GRM7: variants seen among roughly 807,000 people sequenced by gnomAD.
GRM7 encodes glutamate metabotropic receptor 7.
GRM7 carries 35 observed loss-of-function variants against 84.5 expected under a neutral mutation model. That is an observed-to-expected ratio of 0.41 (90% CI 0.32 to 0.55). The LOEUF (loss-of-function observed/expected upper bound fraction) is 0.55, where lower values mean the gene tolerates loss of function less well. Among genes scored for constraint, GRM7 ranks in the 20% least tolerant of loss-of-function variants. GRM7 has a pLI of 0.19. For synonymous variants in GRM7, 487 were observed against 455.1 expected, an observed-to-expected ratio of 1.07 and a Z score of -0.89; for missense variants, 1,003 against 1,194.6, an observed-to-expected ratio of 0.84 and a Z score of 2.36.
intron 7 of GRM7, among the ~76,000 whole-genome samples, chr3:7,474,636 T>G (rs1460558663): frequency 6.6e-6 from 1 of 151,588 alleles, no homozygotes; most frequent in South Asian, 2.1e-4. Flanking sequence ...GGTATCAGAG[T>G]TTTTTTTAAG....
At chr3:7,487,119 G>T (rs1394200223) in intron 7 of GRM7, among the ~76,000 whole-genome samples, 4 of 152,160 alleles carry the variant, frequency 2.6e-5, no homozygotes, top group Admixed American at 1.3e-4. Context: ...GGGCTTTATG[G>T]AAGGCAGAAC....
chr3:7,641,603 G>A (rs1295980322), intron 8 of GRM7, among the ~76,000 whole-genome samples: 1 of 152,114 alleles, frequency 6.6e-6, no homozygotes, highest in Non-Finnish European at 1.5e-5. Flanking sequence ...AGGGGAGAAT[G>A]GGGAGAATCC....
At chr3:7,413,459 C>T (rs1250496553) in intron 4 of GRM7, among the ~76,000 whole-genome samples, 1 of 152,202 alleles carries the variant, frequency 6.6e-6, no homozygotes, top group South Asian at 2.1e-4. Flanking sequence ...AAGAATCTGA[C>T]TCAGCTAAGA....
chr3:7,561,228 A>T (rs1694012301), intron 7 of GRM7, among the ~76,000 whole-genome samples: 1 of 152,088 alleles, frequency 6.6e-6, no homozygotes, highest in Non-Finnish European at 1.5e-5. Context: ...AAGCACTCAT[A>T]TTCATCCTCA....
At position 7,402,448 on chromosome 3, in the gene GRM7, A is replaced by G. The variant is rs112761034; in HGVS notation, c.1034-12575A>G. 2.7e-3 allele frequency among the ~76,000 whole-genome samples: 414 copies of G among 152,306 alleles called. 2 individuals carry two copies. The highest frequency in any genetic ancestry group is 9.3e-3 in the African/African-American group (387 of 41,574). ...TAACTCAGGTGGTGAGAGAATGAAT[A>G]TAATCTGAGTTTGCTGCTTGAACTT... On this transcript the variant is annotated intron_variant, in intron 4 of 9. Transcript: ENST00000357716.
At chr3:7,365,380 T>G (rs1377095211) in intron 4 of GRM7, among the ~76,000 whole-genome samples, 33 of 151,758 alleles carry the variant, frequency 2.2e-4, no homozygotes, top group Admixed American at 2.0e-3. Context: ...AGTCTCTCCA[T>G]CTCCATGCCT....
intron 7 of GRM7, among the ~76,000 whole-genome samples, chr3:7,563,374 A>T (rs1303341074): frequency 6.6e-6 from 1 of 152,168 alleles, no homozygotes; most frequent in Non-Finnish European, 1.5e-5. Flanking sequence ...TTAGGATAGA[A>T]TCTGCCCCAG....
chr3:7,608,100 T>C, intron 8 of GRM7: 1 of 261,706 alleles, frequency 3.8e-6, no homozygotes, highest in Non-Finnish European at 8.2e-6. Flanking sequence ...CCATGGTGTG[T>C]ATGTACCACA....
chr3:7,218,178 A>T (rs1158158062), intron 2 of GRM7, among the ~76,000 whole-genome samples: 1 of 152,096 alleles, frequency 6.6e-6, no homozygotes, highest in East Asian at 1.9e-4. Context: ...ATTGTTGATT[A>T]AAAACTATGC....
At chr3:7,078,580 A>G (rs1005888169) in intron 1 of GRM7, among the ~76,000 whole-genome samples, 4 of 152,196 alleles carry the variant, frequency 2.6e-5, no homozygotes, top group Admixed American at 2.6e-4. Flanking sequence ...AATTAAGTGG[A>G]ATCTAGGAAG....
intron 4 of GRM7, among the ~76,000 whole-genome samples, chr3:7,364,124 T>C (rs1170677276): frequency 6.6e-6 from 1 of 151,964 alleles, no homozygotes; most frequent in Non-Finnish European, 1.5e-5. Context: ...TCTACCTTGA[T>C]TATGTTTGTT....
chr3:7,041,190 G>A (rs898937878), intron 1 of GRM7, among the ~76,000 whole-genome samples: 1 of 151,840 alleles, frequency 6.6e-6, no homozygotes, highest in Non-Finnish European at 1.5e-5. Flanking sequence ...CTTTAATAAA[G>A]GTTTATCTTG....
intron 1 of GRM7, among the ~76,000 whole-genome samples, chr3:6,988,253 C>T (rs1184877910): frequency 6.7e-6 from 1 of 148,438 alleles, no homozygotes; most frequent in Non-Finnish European, 1.5e-5. Context: ...TCATGATCTG[C>T]CTGCCTCGGC....
chr3:7,545,255 C>T (rs1693089053), intron 7 of GRM7, among the ~76,000 whole-genome samples: 1 of 152,246 alleles, frequency 6.6e-6, no homozygotes, highest in African/African-American at 2.4e-5. Flanking sequence ...TCTAACCTAA[C>T]TGTCGACACA....
chr3:7,236,559 A>G (rs1476029440), intron 2 of GRM7, among the ~76,000 whole-genome samples: 3 of 152,168 alleles, frequency 2.0e-5, no homozygotes, highest in Non-Finnish European at 4.4e-5. Context: ...GCGGAAGTAG[A>G]CAATAGGCCA....
chr3:6,877,354 A>G (rs138858666), intron 1 of GRM7, among the ~76,000 whole-genome samples: 1 of 152,296 alleles, frequency 6.6e-6, no homozygotes, highest in Non-Finnish European at 1.5e-5. Flanking sequence ...CTTGGATCTT[A>G]CTATTGTTGA....
At chr3:7,571,018 C>A (rs897902729) in intron 7 of GRM7, among the ~76,000 whole-genome samples, 1 of 152,178 alleles carries the variant, frequency 6.6e-6, no homozygotes, top group Admixed American at 6.5e-5. Context: ...CCTTTTTAGT[C>A]ATGGCTGGAA....
At chr3:7,163,597 A>G (rs1242635987) in intron 2 of GRM7, among the ~76,000 whole-genome samples, 7 of 152,222 alleles carry the variant, frequency 4.6e-5, no homozygotes, top group Non-Finnish European at 8.8e-5. Context: ...AAAGCAGCTT[A>G]AGGGGAGACA....
chr3:7,740,981 G>A lies in GRM7; in HGVS notation c.*575G>A, dbSNP rs1207667488. The stretch of plus-strand genomic sequence containing the variant: ...CATCTGTACATGACTGTATAATTAC[G>A]ATTATAGTACCACTGCACATCATGT... On this transcript the variant is annotated 3_prime_UTR_variant, in exon 10 of 10. Coordinates refer to ENST00000357716, the MANE Select transcript of GRM7 (RefSeq NM_000844.4). 1.3e-5 allele frequency: 2 copies of A among 151,794 alleles called. No individual in the cohort carries two copies. Among genetic ancestry groups the A allele is most frequent in the Non-Finnish European group, 1.5e-5 (1 of 67,930 alleles). 9.4% of individuals were successfully genotyped at this position (151,794 alleles called of 1,614,324 possible). A position where few individuals can be genotyped will look rare whatever the true frequency, so the allele number is the denominator to read the frequency against.
Sources: gnomAD v4.1 joint callset for allele counts (sites outside exome capture counted in the v4.1 genomes callset) on GRCh38, gnomAD v4.1.1 for gene constraint, MANE v1.5 for transcripts, NCBI Gene and HGNC (gene_info 2026-07-23, HGNC 2026-07-21) for gene names.